Variants in CLIC5 observed in about 807,000 individuals in gnomAD.
The protein encoded by CLIC5 is CLIC family member 5.
Under a neutral mutation model 24.7 loss-of-function variants are expected in CLIC5, and 20 were observed. That is an observed-to-expected ratio of 0.81 (90% CI 0.57 to 1.18). CLIC5 has a LOEUF of 1.18. Ranked by LOEUF, CLIC5 falls within the 50% of genes most tolerant of loss-of-function variation. CLIC5 has a pLI of 0.00. For synonymous variants in CLIC5, 159 were observed against 135.6 expected, an observed-to-expected ratio of 1.17 and a Z score of -1.20; for missense variants, 341 against 326.1, an observed-to-expected ratio of 1.05 and a Z score of -0.35.
chr6:46,119,362 T>C, the CLIC5 span, among the ~76,000 whole-genome samples: 13 of 152,262 alleles, frequency 8.5e-5, no homozygotes, highest in Non-Finnish European at 1.6e-4. Context: ...CACTTGATAG[T>C]ATAGTGCAAA....
the CLIC5 span, among the ~76,000 whole-genome samples, chr6:46,102,981 G>C: frequency 2.0e-5 from 3 of 152,250 alleles, no homozygotes; most frequent in African/African-American, 7.2e-5. Context: ...GGGATATCCA[G>C]ATGAGTTTAA....
Position 45,970,733 on chromosome 6 carries a change from G to C in CLIC5, c.64-15489C>G, listed in dbSNP as rs117737010. Among the ~76,000 whole-genome samples, 173 of 152,264 alleles carry C rather than the reference G, an allele frequency of 1.1e-3. 1 individual carries two copies. The highest frequency in any genetic ancestry group is 9.3e-3 in the East Asian group (48 of 5,176). The stretch of plus-strand genomic sequence containing the variant: ...GCCCACCCTGCTTTTCTGCCTGACT[G>C]GTGGAAGTCAGACAACCTGCATACT... On this transcript the variant is annotated intron_variant, in intron 1 of 5. Transcript: ENST00000339561.
intron 4 of CLIC5, among the ~76,000 whole-genome samples, chr6:45,927,984 A>C (rs1484121794): frequency 6.6e-6 from 1 of 152,172 alleles, no homozygotes; most frequent in African/African-American, 2.4e-5. Flanking sequence ...AGGAATGAAA[A>C]GAAGTGCTGC....
rs369294679 is a variant in CLIC5, at chr6:45,962,883, T to C, written c.64-7639A>G. On this transcript the variant is annotated intron_variant, in intron 1 of 5. Transcript: ENST00000339561. ...ACAGTGCCACTGTGTTCATGGCCCA[T>C]TGGGGTGTCTGTCCTTTAGCCTGCC... Among the ~76,000 whole-genome samples, 6 of 152,164 alleles carry C rather than the reference T, an allele frequency of 3.9e-5. No homozygotes were observed. The East Asian group carries it at 5.8e-4, about 15-fold the overall frequency.
chr6:45,970,282 G>A (rs1173995754), intron 1 of CLIC5, among the ~76,000 whole-genome samples: 2 of 144,744 alleles, frequency 1.4e-5, no homozygotes, highest in Non-Finnish European at 3.0e-5. Context: ...TTAGAAGGGA[G>A]CTTTGAAAAC....
At chr6:46,126,778 G>A in the CLIC5 span, among the ~76,000 whole-genome samples, 1 of 152,146 alleles carries the variant, frequency 6.6e-6, no homozygotes, top group Non-Finnish European at 1.5e-5. Flanking sequence ...CTGAGCAGTG[G>A]ACAGGAATTG....
chr6:46,093,015 C>T, the CLIC5 span, among the ~76,000 whole-genome samples: 1 of 152,082 alleles, frequency 6.6e-6, no homozygotes, highest in East Asian at 1.9e-4. Context: ...AATCCAATTC[C>T]TGCCTTTTAT....
intron 1 of CLIC5, among the ~76,000 whole-genome samples, chr6:46,030,978 A>G (rs1419063529): frequency 6.6e-6 from 1 of 152,188 alleles, no homozygotes; most frequent in Non-Finnish European, 1.5e-5. Context: ...ACAAACCATC[A>G]TGTTTTAAAA....
At chr6:45,947,068 C>T (rs1764312758) in intron 3 of CLIC5, among the ~76,000 whole-genome samples, 3 of 152,170 alleles carry the variant, frequency 2.0e-5, no homozygotes, top group African/African-American at 7.2e-5. Flanking sequence ...CCACATCCAG[C>T]CCTGCCCAGC....
intron 1 of CLIC5, among the ~76,000 whole-genome samples, chr6:45,974,825 G>A (rs890479046): frequency 4.6e-5 from 7 of 152,018 alleles, no homozygotes; most frequent in Non-Finnish European, 5.9e-5. Flanking sequence ...CAGGCTCTGG[G>A]ACACCACACT....
chr6:46,104,783 A>C, the CLIC5 span, among the ~76,000 whole-genome samples: 1 of 152,224 alleles, frequency 6.6e-6, no homozygotes, highest in African/African-American at 2.4e-5. Context: ...TTAGCCTTAG[A>C]AATTTCCTTG....
At chr6:46,043,106 CTT>C (rs1562020792) in intron 1 of CLIC5, among the ~76,000 whole-genome samples, 1 of 152,132 alleles carries the variant, frequency 6.6e-6, no homozygotes, top group East Asian at 1.9e-4. Flanking sequence ...CTCCTAATGA[CTT>C]TGCGTCATTA....
In CLIC5 at chr6:45,903,257, T is replaced by G. The variant is rs969178808; in HGVS notation, c.589-2A>C. On this transcript the variant is annotated splice_acceptor_variant, in intron 5 of 5. Transcript: ENST00000339561. LOFTEE classifies it high-confidence loss of function. ...GTTGCGGTATTTCTTGGCCACAATCTAAAACAGAGATGGCAGGACAGAGGT... is the reference window on the plus strand; with the variant it reads ...GTTGCGGTATTTCTTGGCCACAATCGAAAACAGAGATGGCAGGACAGAGGT... 6.4e-7 allele frequency: 1 copy of G among 1,565,830 alleles called. No individual in the cohort carries two copies. The highest frequency in any genetic ancestry group is 1.8e-5 in the Admixed American group (1 of 55,698).
chr6:46,115,174 C>T, the CLIC5 span, among the ~76,000 whole-genome samples: 1 of 152,018 alleles, frequency 6.6e-6, no homozygotes, highest in African/African-American at 2.4e-5. Flanking sequence ...AGGAATTGGG[C>T]CTAGAGGTTA....
intron 1 of CLIC5, among the ~76,000 whole-genome samples, chr6:45,976,578 C>T (rs1034760878): frequency 3.9e-5 from 6 of 152,148 alleles, no homozygotes; most frequent in Non-Finnish European, 4.4e-5. Flanking sequence ...TTTGCCATTA[C>T]TTTTAATGGC....
At chr6:46,124,597 A>G in the CLIC5 span, among the ~76,000 whole-genome samples, 233 of 152,274 alleles carry the variant, frequency 1.5e-3, 1 homozygote, top group Admixed American at 3.8e-3. Flanking sequence ...AAACTAAAGA[A>G]CTTCTGCACA....
chr6:46,011,164 A>G (rs558048380), intron 1 of CLIC5, among the ~76,000 whole-genome samples: 26 of 152,330 alleles, frequency 1.7e-4, no homozygotes, highest in African/African-American at 4.8e-4. Context: ...CTTTGACTAG[A>G]CCAACCCTAT....
At chr6:46,120,127 C>T in the CLIC5 span, among the ~76,000 whole-genome samples, 2 of 152,256 alleles carry the variant, frequency 1.3e-5, no homozygotes, top group Admixed American at 1.3e-4. Flanking sequence ...AATGGACAGA[C>T]TGCCTCCTCA....
chr6:46,075,383 C>A (rs574510633), intron 1 of CLIC5, among the ~76,000 whole-genome samples: 11 of 151,800 alleles, frequency 7.2e-5, no homozygotes, highest in African/African-American at 2.4e-4. Flanking sequence ...GCCCTGGCAA[C>A]GGGGCAAGAC....
Sources: allele counts gnomAD v4.1 joint callset (sites outside exome capture counted in the v4.1 genomes callset), GRCh38; gene constraint gnomAD v4.1.1; transcripts MANE v1.5; gene names NCBI Gene and HGNC (gene_info 2026-07-23, HGNC 2026-07-21).